Variants in COMMD10 observed in about 807,000 individuals in gnomAD.
COMMD10 encodes COMM domain-containing protein 10.
In COMMD10, 33 loss-of-function variants were observed where a neutral mutation model predicts 28.9. That is an observed-to-expected ratio of 1.14 (90% CI 0.87 to 1.53). The LOEUF (loss-of-function observed/expected upper bound fraction) is 1.53. Ranked by LOEUF, COMMD10 falls within the 40% of genes most tolerant of loss-of-function variation. The pLI, the probability that COMMD10 is intolerant of heterozygous loss-of-function variation, is 0.00. For synonymous variants in COMMD10, 110 were observed against 81.7 expected, an observed-to-expected ratio of 1.35 and a Z score of -1.87; for missense variants, 310 against 233.4, an observed-to-expected ratio of 1.33 and a Z score of -2.14.
At chr5:116,159,819 G>A (rs761921250) in intron 5 of COMMD10, among the ~76,000 whole-genome samples, 4 of 152,190 alleles carry the variant, frequency 2.6e-5, no homozygotes, top group Admixed American at 2.0e-4. Context: ...GTAAAAGGAA[G>A]AGTATACACA....
chr5:116,152,981 C>T (rs186160470), intron 5 of COMMD10, among the ~76,000 whole-genome samples: 1 of 151,994 alleles, frequency 6.6e-6, no homozygotes, highest in Non-Finnish European at 1.5e-5. Flanking sequence ...TGCATAATAG[C>T]TACCCACTCA....
chr5:116,169,014 C>T (rs1055442049), intron 5 of COMMD10, among the ~76,000 whole-genome samples: 2 of 151,952 alleles, frequency 1.3e-5, no homozygotes, highest in East Asian at 1.9e-4. Flanking sequence ...ACATGAAAAA[C>T]CAATTCAAAA....
At chr5:116,110,616 T>G (rs1751011995) in intron 4 of COMMD10, among the ~76,000 whole-genome samples, 1 of 152,176 alleles carries the variant, frequency 6.6e-6, no homozygotes, top group African/African-American at 2.4e-5. Flanking sequence ...TGTTCTTACA[T>G]TGCTACACAG....
At chr5:116,103,033 T>A (rs1750717152) in intron 4 of COMMD10, among the ~76,000 whole-genome samples, 1 of 152,244 alleles carries the variant, frequency 6.6e-6, no homozygotes, top group Middle Eastern at 3.2e-3. Flanking sequence ...TTCCATGGTG[T>A]ATATGTGCCA....
At chr5:116,129,803 T>C (rs1354725407) in intron 4 of COMMD10, among the ~76,000 whole-genome samples, 1 of 145,066 alleles carries the variant, frequency 6.9e-6, no homozygotes, top group African/African-American at 2.5e-5. Flanking sequence ...ATATACTATA[T>C]AATATATATT....
intron 4 of COMMD10, among the ~76,000 whole-genome samples, chr5:116,113,739 T>G (rs1353361682): frequency 2.0e-5 from 3 of 152,170 alleles, no homozygotes; most frequent in Admixed American, 2.0e-4. Flanking sequence ...TGTATCTCAT[T>G]GAACTTAATT....
At chr5:116,248,922 G>A (rs887106698) in intron 5 of COMMD10, among the ~76,000 whole-genome samples, 1 of 151,916 alleles carries the variant, frequency 6.6e-6, no homozygotes, top group Non-Finnish European at 1.5e-5. Flanking sequence ...CTGACATCTT[G>A]TTTGAACATC....
intron 5 of COMMD10, chr5:116,218,348 G>C (rs1056093174): frequency 1.6e-6 from 1 of 641,258 alleles, no homozygotes; most frequent in Non-Finnish European, 2.9e-6. Flanking sequence ...GGATGCAGAG[G>C]CATGTGGGCT....
chr5:116,219,981 ACTGT>A (rs1269092304), intron 5 of COMMD10, among the ~76,000 whole-genome samples: 1 of 151,764 alleles, frequency 6.6e-6, no homozygotes, highest in Non-Finnish European at 1.5e-5. Flanking sequence ...TCTTTTTTAT[ACTGT>A]CTTTGTCAGG....
chr5:116,290,449 A>G (rs1354573082), intron 5 of COMMD10, among the ~76,000 whole-genome samples: 2 of 151,904 alleles, frequency 1.3e-5, no homozygotes, highest in African/African-American at 2.4e-5. Flanking sequence ...GAAGAGTGAG[A>G]TGCATTTTCT....
At chr5:116,223,064 T>C (rs989899619) in intron 5 of COMMD10, among the ~76,000 whole-genome samples, 5 of 152,316 alleles carry the variant, frequency 3.3e-5, no homozygotes, top group African/African-American at 1.2e-4. Context: ...AAATATGTCA[T>C]AGATTGTGTT....
At chr5:116,127,457 C>A (rs1313154065) in intron 4 of COMMD10, among the ~76,000 whole-genome samples, 2 of 152,130 alleles carry the variant, frequency 1.3e-5, no homozygotes, top group African/African-American at 4.8e-5. Flanking sequence ...AATCATGCTG[C>A]TATAAAGACA....
At chr5:116,089,895 T>A (rs1473898107) in intron 2 of COMMD10, among the ~76,000 whole-genome samples, 2 of 152,198 alleles carry the variant, frequency 1.3e-5, no homozygotes, top group Non-Finnish European at 2.9e-5. Flanking sequence ...GGCTTTTCAG[T>A]CAAGTTTGCA....
chr5:116,113,433 A>T lies in COMMD10; in HGVS notation c.400-20635A>T, dbSNP rs114248693. Among the ~76,000 whole-genome samples, 286 of 146,386 alleles carry T rather than the reference A, an allele frequency of 2.0e-3. 2 individuals are homozygous for T. The highest frequency in any genetic ancestry group is 7.0e-3 in the African/African-American group (270 of 38,786). ...TTCTGTCCCTTTGGGAATACCAGTA[A>T]TTCATAAGTTCAATGCTGTATGCAG... On this transcript the variant is annotated intron_variant, in intron 4 of 6. Transcript: ENST00000274458.
chr5:116,166,096 G>A (rs1294215076), intron 5 of COMMD10, among the ~76,000 whole-genome samples: 2 of 152,076 alleles, frequency 1.3e-5, no homozygotes, highest in Admixed American at 1.3e-4. Context: ...GAGCTTGCAT[G>A]TTTAAATATT....
At chr5:116,250,870 AG>A (rs1425939518) in intron 5 of COMMD10, among the ~76,000 whole-genome samples, 2 of 152,012 alleles carry the variant, frequency 1.3e-5, no homozygotes, top group Non-Finnish European at 2.9e-5. Context: ...ATTAGAAACC[AG>A]TCTGATTTCA....
At chr5:116,150,210 A>G (rs578170318) in intron 5 of COMMD10, among the ~76,000 whole-genome samples, 24 of 152,012 alleles carry the variant, frequency 1.6e-4, no homozygotes, top group East Asian at 1.6e-3. Context: ...TGTTCCATTG[A>G]TCTATATCTC....
chr5:116,199,211 C>T (rs779395821), intron 5 of COMMD10, among the ~76,000 whole-genome samples: 5 of 152,028 alleles, frequency 3.3e-5, no homozygotes, highest in East Asian at 1.9e-4. Context: ...TACTGACATA[C>T]GGTGTGGAGC....
chr5:116,111,819 G>A (rs1484509192), intron 4 of COMMD10, among the ~76,000 whole-genome samples: 2 of 152,136 alleles, frequency 1.3e-5, no homozygotes, highest in African/African-American at 2.4e-5. Flanking sequence ...TAAGTCTGAT[G>A]TTTGTTGATT....
Sources: allele counts gnomAD v4.1 joint callset (sites outside exome capture counted in the v4.1 genomes callset), GRCh38; gene constraint gnomAD v4.1.1; transcripts MANE v1.5; gene names NCBI Gene and HGNC (gene_info 2026-07-23, HGNC 2026-07-21).